Variants in HMBOX1 observed in about 807,000 individuals in gnomAD.
HMBOX1 encodes the protein homeobox containing 1.
In HMBOX1, 14 loss-of-function variants were observed where a neutral mutation model predicts 54.5. The observed-to-expected ratio is 0.26, with a 90% CI of 0.17 to 0.40. The LOEUF (loss-of-function observed/expected upper bound fraction) is 0.40. Among genes scored for constraint, HMBOX1 ranks in the 10% least tolerant of loss-of-function variants. The pLI, the probability that HMBOX1 is intolerant of heterozygous loss-of-function variation, is 1.00. For missense variants in HMBOX1, 332 were observed against 514.4 expected (o/e 0.65, Z 3.43); for synonymous variants, 160 against 181.0 (o/e 0.88, Z 0.93).
At chr8:29,041,110 T>C (rs1804741144) in intron 6 of HMBOX1, among the ~76,000 whole-genome samples, 1 of 151,052 alleles carries the variant, frequency 6.6e-6, no homozygotes, top group African/African-American at 2.4e-5. Flanking sequence ...TAAAAAGTAA[T>C]TTATAAAAAT....
At chr8:29,001,404 G>A (rs1346521850) in intron 4 of HMBOX1, among the ~76,000 whole-genome samples, 1 of 152,140 alleles carries the variant, frequency 6.6e-6, no homozygotes, top group African/African-American at 2.4e-5. Flanking sequence ...ACAAAAATTA[G>A]CCAGGCGTGG....
chr8:28,940,569 A>C (rs1821207122), intron 1 of HMBOX1, among the ~76,000 whole-genome samples: 1 of 152,238 alleles, frequency 6.6e-6, no homozygotes, highest in Non-Finnish European at 1.5e-5. Flanking sequence ...CCTAATGACT[A>C]AAATAGTTCC....
chr8:29,028,545 CTTTTAA>C (rs1563611645), intron 6 of HMBOX1, among the ~76,000 whole-genome samples: 2 of 152,178 alleles, frequency 1.3e-5, no homozygotes, highest in Non-Finnish European at 2.9e-5. Flanking sequence ...CTCCTCTTTA[CTTTTAA>C]TTTTTTCAGT....
intron 3 of HMBOX1, among the ~76,000 whole-genome samples, chr8:28,973,813 T>TTTTTTTTTTTTG (rs1554551581): frequency 0.081 from 2,840 of 34,912 alleles, 206 homozygotes; most frequent in South Asian, 0.13. Flanking sequence ...GTTTTTTTTT[T>TTTTTTTTTTTTG]TTTTTTTTTT....
intron 1 of HMBOX1, among the ~76,000 whole-genome samples, chr8:28,936,991 G>A (rs1820520288): frequency 6.6e-6 from 1 of 152,040 alleles, no homozygotes; most frequent in Admixed American, 6.6e-5. Flanking sequence ...ATATAAGATG[G>A]TAGTATTGAA....
chr8:28,954,357 A>C (rs943718456), intron 1 of HMBOX1, among the ~76,000 whole-genome samples: 1 of 152,136 alleles, frequency 6.6e-6, no homozygotes, highest in African/African-American at 2.4e-5. Flanking sequence ...TCTGGGCTTA[A>C]GGGTCTTACT....
At chr8:29,035,533 G>T (rs1803714990) in intron 6 of HMBOX1, among the ~76,000 whole-genome samples, 1 of 152,190 alleles carries the variant, frequency 6.6e-6, no homozygotes, top group African/African-American at 2.4e-5. Flanking sequence ...AGCAAATGCA[G>T]GAAGGAGTAT....
chr8:28,928,923 A>AG (rs1396126441), intron 1 of HMBOX1, among the ~76,000 whole-genome samples: 1 of 152,184 alleles, frequency 6.6e-6, no homozygotes, highest in African/African-American at 2.4e-5. Context: ...GGTAGGTTGC[A>AG]GGGGGAGAAA....
At chr8:29,017,857 GAAAT>G (rs549034352) in intron 5 of HMBOX1, among the ~76,000 whole-genome samples, 9 of 152,226 alleles carry the variant, frequency 5.9e-5, no homozygotes, top group Middle Eastern at 3.4e-3. Flanking sequence ...CTATTAGGAA[GAAAT>G]AAATATTAAT....
intron 1 of HMBOX1, among the ~76,000 whole-genome samples, chr8:28,953,676 A>G (rs1490087399): frequency 6.6e-6 from 1 of 151,896 alleles, no homozygotes; most frequent in African/African-American, 2.4e-5. Context: ...TAAGAATTTT[A>G]TGTATTAAAA....
At chr8:29,005,969 C>T (rs1833390498) in intron 4 of HMBOX1, among the ~76,000 whole-genome samples, 1 of 150,078 alleles carries the variant, frequency 6.7e-6, no homozygotes, top group Non-Finnish European at 1.5e-5. Context: ...GAATGTGTAG[C>T]TATCACAGTT....
intron 4 of HMBOX1, among the ~76,000 whole-genome samples, chr8:29,008,589 T>TAAAA (rs1833800215): frequency 1.3e-5 from 2 of 152,356 alleles, no homozygotes; most frequent in East Asian, 3.9e-4. Flanking sequence ...GACAGTATTT[T>TAAAA]CAGTGACCTT....
chr8:28,960,069 G>A (rs1389892295), intron 1 of HMBOX1, among the ~76,000 whole-genome samples: 1 of 151,560 alleles, frequency 6.6e-6, no homozygotes. Context: ...CTTTCAAAGA[G>A]CCAACATTTG....
intron 5 of HMBOX1, among the ~76,000 whole-genome samples, chr8:29,011,520 G>T (rs1398391988): frequency 6.6e-6 from 1 of 152,150 alleles, no homozygotes; most frequent in Non-Finnish European, 1.5e-5. Flanking sequence ...TAATCAACTG[G>T]TAAGGCCAAA....
chr8:28,913,396 T>C (rs1322298795), intron 1 of HMBOX1, among the ~76,000 whole-genome samples: 1 of 152,190 alleles, frequency 6.6e-6, no homozygotes, highest in Non-Finnish European at 1.5e-5. Flanking sequence ...TTACCCCACA[T>C]GCTGTTCTCT....
chr8:28,965,690 G>A (rs1343007084), intron 2 of HMBOX1, among the ~76,000 whole-genome samples: 1 of 152,148 alleles, frequency 6.6e-6, no homozygotes, highest in Non-Finnish European at 1.5e-5. Context: ...AAGCTTTGAG[G>A]CCTGTTGCAG....
intron 4 of HMBOX1, among the ~76,000 whole-genome samples, chr8:28,994,791 G>T (rs1307271410): frequency 1.3e-5 from 2 of 152,100 alleles, no homozygotes; most frequent in African/African-American, 2.4e-5. Flanking sequence ...TAAAAAATTT[G>T]CAAGGGATAG....
intron 6 of HMBOX1, among the ~76,000 whole-genome samples, chr8:29,031,038 C>G (rs915179030): frequency 6.6e-6 from 1 of 152,218 alleles, no homozygotes; most frequent in African/African-American, 2.4e-5. Context: ...ACTCACCTTC[C>G]TACTGCTTAG....
intron 2 of HMBOX1, among the ~76,000 whole-genome samples, chr8:28,969,195 A>C (rs866078303): frequency 6.6e-6 from 1 of 152,088 alleles, no homozygotes; most frequent in Non-Finnish European, 1.5e-5. Context: ...CAACAACAAC[A>C]ACAAAGGGAT....
Sources: gnomAD v4.1 joint callset for allele counts (sites outside exome capture counted in the v4.1 genomes callset) on GRCh38, gnomAD v4.1.1 for gene constraint, MANE v1.5 for transcripts, NCBI Gene and HGNC (gene_info 2026-07-23, HGNC 2026-07-21) for gene names.